Variants in SEPHS1 observed in about 807,000 individuals in gnomAD.
SEPHS1 encodes the protein selenophosphate synthetase 1.
SEPHS1 carries 7 observed loss-of-function variants against 39.2 expected under a neutral mutation model. The observed-to-expected ratio is 0.18, with a 90% CI of 0.10 to 0.34. The LOEUF (loss-of-function observed/expected upper bound fraction) is 0.34. SEPHS1 is among the 10% of genes least tolerant of loss of function. The probability of loss-of-function intolerance (pLI) is 1.00; values close to 1 mark genes in which losing one functional copy is unlikely to be tolerated. For synonymous variants in SEPHS1, 190 were observed against 195.5 expected (o/e 0.97, Z 0.23); for missense variants, 253 against 514.5 (o/e 0.49, Z 4.92).
intron 3 of SEPHS1, 117 bp downstream of exon 3, chr10:13,338,588 G>C: frequency 1.3e-6 from 1 of 763,150 alleles, no homozygotes; most frequent in South Asian, 1.6e-5. Context: ...GGGCAGTATA[G>C]TCGGGATATA....
At chr10:13,321,317 G>A (rs1833107623) in intron 8 of SEPHS1, among the ~76,000 whole-genome samples, 1 of 152,034 alleles carries the variant, frequency 6.6e-6, no homozygotes, top group African/African-American at 2.4e-5. Flanking sequence ...GGCGATCTTG[G>A]CTCACTGCAA....
intron 3 of SEPHS1, among the ~76,000 whole-genome samples, chr10:13,338,424 A>T (rs979656505): frequency 6.6e-6 from 1 of 152,192 alleles, no homozygotes; most frequent in African/African-American, 2.4e-5. Context: ...TTGACATGCT[A>T]CTAAACAAGA....
At chr10:13,324,313 T>C (rs1833198557) in intron 7 of SEPHS1, among the ~76,000 whole-genome samples, 1 of 152,226 alleles carries the variant, frequency 6.6e-6, no homozygotes, top group Non-Finnish European at 1.5e-5. Flanking sequence ...CTACATTTTG[T>C]TTATCCATTC....
intron 5 of SEPHS1, among the ~76,000 whole-genome samples, chr10:13,331,216 T>G (rs1248943862): frequency 2.0e-5 from 3 of 152,228 alleles, no homozygotes; most frequent in Non-Finnish European, 4.4e-5. Flanking sequence ...TGCCACATTT[T>G]CTTAATCCAG....
At chr10:13,319,584 C>T (rs1833040977) in intron 8 of SEPHS1, among the ~76,000 whole-genome samples, 1 of 152,148 alleles carries the variant, frequency 6.6e-6, no homozygotes. Flanking sequence ...AATGTCCTGG[C>T]TCAGGTGACC....
chr10:13,339,521 T>G (rs1833729548), intron 2 of SEPHS1, among the ~76,000 whole-genome samples: 1 of 151,994 alleles, frequency 6.6e-6, no homozygotes, highest in Non-Finnish European at 1.5e-5. Flanking sequence ...TTTTACAAAC[T>G]CAGACTAGCA....
Position 13,318,957 on chromosome 10 carries a change from A to T in SEPHS1, c.*185T>A. The T allele has an allele frequency of 1.7e-6, 1 of 595,278 alleles. No homozygotes were observed. Among genetic ancestry groups the T allele is most frequent in the Non-Finnish European group, 2.9e-6 (1 of 343,264 alleles). 36.9% of individuals were successfully genotyped at this position (595,278 alleles called of 1,614,324 possible). ...CTGCCTCAAGATTAGGTGCATCTTCAGTTAATGTAACAGGAAAAAAAGGCA... is the reference window on the plus strand; with the variant it reads ...CTGCCTCAAGATTAGGTGCATCTTCTGTTAATGTAACAGGAAAAAAAGGCA... On this transcript the variant is annotated 3_prime_UTR_variant, in exon 9 of 9. Coordinates refer to ENST00000327347, the MANE Select transcript of SEPHS1 (RefSeq NM_012247.5).
At position 13,336,291 on chromosome 10, in the gene SEPHS1, A is replaced by G; in HGVS notation, c.357T>C (p.Cys119=). 1 of 1,613,092 alleles carries G rather than the reference A, an allele frequency of 6.2e-7. No individual in the cohort carries two copies. The highest frequency in any genetic ancestry group is 8.5e-7 in the Non-Finnish European group (1 of 1,179,066). The change falls in exon 4 of 9, where the codon TGT becomes TGC. Residue 119 remains cysteine (C), a synonymous_variant. Coordinates refer to ENST00000327347, the MANE Select transcript of SEPHS1 (RefSeq NM_012247.5). The stretch of plus-strand genomic sequence containing the variant: ...CTCCAAGGAGCATCAGCATATTGTC[A>G]CATTCCGTGACCCCCATTGCATAGA... ...SDLYAMGVTE[C]DNMLMLLGVS...
Position 13,336,224 on chromosome 10 carries a change from C to G in SEPHS1, c.405+19G>C, listed in dbSNP as rs374556965. 17 of 1,555,112 alleles carry G rather than the reference C, an allele frequency of 1.1e-5. No homozygotes were observed. In the African/African-American group the frequency reaches 2.0e-4, roughly 19 times the overall value. ...CGGGACAACACGGACCAGGCAGCAG[C>G]CGGGTAGCTCCTACTTACCCTGTCG... On this transcript the variant is annotated intron_variant, in intron 4 of 8. Coordinates refer to ENST00000327347, the MANE Select transcript of SEPHS1 (RefSeq NM_012247.5).
In SEPHS1 at chr10:13,333,903, A is replaced by G; in HGVS notation, c.474T>C (p.Ser158=). The part of the protein sequence containing the change: ...FKDAAEEAGT[S]VTGGQTVLNP... ...TTAGTACTGTTTGGCCGCCTGTTACAGATGTTCCTGCTTCCTCAGCTGCGT... is the reference window on the plus strand; with the variant it reads ...TTAGTACTGTTTGGCCGCCTGTTACGGATGTTCCTGCTTCCTCAGCTGCGT... Residue 158 remains serine, a synonymous_variant, in exon 5 of 9, where the codon TCT becomes TCC. Coordinates refer to ENST00000327347, the MANE Select transcript of SEPHS1 (RefSeq NM_012247.5). 6.2e-7 allele frequency: 1 copy of G among 1,614,066 alleles called. No individual in the cohort carries two copies. The highest frequency in any genetic ancestry group is 8.5e-7 in the Non-Finnish European group (1 of 1,179,914).
At chr10:13,334,435 G>A (rs1261364456) in intron 4 of SEPHS1, among the ~76,000 whole-genome samples, 1 of 152,176 alleles carries the variant, frequency 6.6e-6, no homozygotes, top group Non-Finnish European at 1.5e-5. Context: ...CAGCTACTTG[G>A]GAGGCTGAGG....
rs1833006879 is a variant in SEPHS1 at position 13,318,455 on chromosome 10, CTATCGAT to C, written c.*680_*686del. 6.6e-6 allele frequency: 1 copy of C among 152,460 alleles called. No individual in the cohort carries two copies. The highest frequency in any genetic ancestry group is 2.4e-5 in the African/African-American group (1 of 41,394). 9.4% of individuals were successfully genotyped at this position (152,460 alleles called of 1,614,324 possible). ...ACATTGCAAAAAGTATCCTTTTTTG[CTATCGAT>C]AAAACAGTTAATGGTATTACTGTAA... On this transcript the variant is annotated 3_prime_UTR_variant, in exon 9 of 9. Coordinates refer to ENST00000327347, the MANE Select transcript of SEPHS1 (RefSeq NM_012247.5).
At chr10:13,327,396 TA>T (rs1187862729) in intron 7 of SEPHS1, among the ~76,000 whole-genome samples, 1 of 151,916 alleles carries the variant, frequency 6.6e-6, no homozygotes, top group Non-Finnish European at 1.5e-5. Flanking sequence ...ACAACAATAG[TA>T]AATCACCAGC....
rs144770337 is a variant in SEPHS1 at position 13,323,013 on chromosome 10, G to A, written c.786C>T (p.Ala262=). The A allele has an allele frequency of 1.5e-5, 25 of 1,613,964 alleles. No homozygotes were observed. The African/African-American group carries it at 2.1e-4, about 14-fold the overall frequency. The change falls in exon 8 of 9, where the codon GCC becomes GCT. Residue 262 remains alanine, a synonymous_variant. Transcript: ENST00000327347. ...TCCCGAAGCCCGTGATGTCAGTGGC[G>A]GCGTGGGCATTGAACGTGTGCATGA... The part of the protein sequence containing the change: ...AGLMHTFNAH[A]ATDITGFGIL...
At chr10:13,347,855 G>A (rs1315332767) in intron 1 of SEPHS1, 145 bp downstream of exon 1, 1 of 141,312 alleles carries the variant, frequency 7.1e-6, no homozygotes, top group African/African-American at 2.6e-5. Flanking sequence ...CCCCTCTCCA[G>A]GCAGGGCTGG....
chr10:13,344,573 C>T (rs1833876047), intron 2 of SEPHS1, among the ~76,000 whole-genome samples, 185 bp downstream of exon 2: 1 of 152,078 alleles, frequency 6.6e-6, no homozygotes, highest in Non-Finnish European at 1.5e-5. Flanking sequence ...GATGGCTACA[C>T]TAAAAGCCTA....
Position 13,318,251 on chromosome 10 carries a change from G to A in SEPHS1, c.*891C>T, listed in dbSNP as rs1031505963. 18 of 152,448 alleles carry A rather than the reference G, an allele frequency of 1.2e-4. No individual in the cohort carries two copies. 9.4% of individuals were successfully genotyped at this position (152,448 alleles called of 1,614,324 possible). The stretch of plus-strand genomic sequence containing the variant: ...AGCTGCTGATTTTAAGAAAACAAAA[G>A]GCCTGAAATCACTGTACAAAATAGA... On this transcript the variant is annotated 3_prime_UTR_variant, in exon 9 of 9. Coordinates refer to ENST00000327347, the MANE Select transcript of SEPHS1 (RefSeq NM_012247.5).
At chr10:13,324,991 G>C (rs1036331405) in intron 7 of SEPHS1, among the ~76,000 whole-genome samples, 1 of 152,020 alleles carries the variant, frequency 6.6e-6, no homozygotes, top group African/African-American at 2.4e-5. Context: ...AAGGTCTTTG[G>C]GCCATGTTTA....
chr10:13,345,949 C>T (rs1431234584), intron 1 of SEPHS1, among the ~76,000 whole-genome samples: 3 of 152,274 alleles, frequency 2.0e-5, no homozygotes, highest in Non-Finnish European at 4.4e-5. Flanking sequence ...AACTTAAAAA[C>T]TACAGTGGCA....
Sources: allele counts gnomAD v4.1 joint callset (sites outside exome capture counted in the v4.1 genomes callset), GRCh38; gene constraint gnomAD v4.1.1; transcripts MANE v1.5; gene names NCBI Gene and HGNC (gene_info 2026-07-23, HGNC 2026-07-21).